Variants in PLPPR5 observed in about 807,000 individuals in gnomAD.
The protein encoded by PLPPR5 is phospholipid phosphatase-related protein type 5.
A neutral mutation model predicts 33.9 loss-of-function variants in PLPPR5; 16 were observed. The observed-to-expected ratio is 0.47, with a 90% CI of 0.32 to 0.72. PLPPR5 has a LOEUF of 0.72. Among genes scored for constraint, PLPPR5 ranks in the 30% least tolerant of loss-of-function variants. The pLI, the probability that PLPPR5 is intolerant of heterozygous loss-of-function variation, is 0.03. For missense variants in PLPPR5, 301 were observed against 406.7 expected, an observed-to-expected ratio of 0.74 and a Z score of 2.23; for synonymous variants, 163 against 150.3, an observed-to-expected ratio of 1.08 and a Z score of -0.62.
chr1:98,999,110 C>G (rs748529041), intron 1 of PLPPR5, among the ~76,000 whole-genome samples: 9 of 152,178 alleles, frequency 5.9e-5, no homozygotes, highest in Non-Finnish European at 1.0e-4. Flanking sequence ...GTAGACTAAA[C>G]TAGGTGGTTT....
chr1:98,921,524 T>C (rs896253135), intron 4 of PLPPR5, among the ~76,000 whole-genome samples: 1 of 152,284 alleles, frequency 6.6e-6, no homozygotes, highest in East Asian at 1.9e-4. Context: ...TTTTAAGGAT[T>C]TATATAAAGT....
intron 5 of PLPPR5, among the ~76,000 whole-genome samples, chr1:98,912,793 G>A (rs549805075): frequency 1.3e-5 from 2 of 152,286 alleles, no homozygotes; most frequent in Admixed American, 1.3e-4. Context: ...TATTTGTAGA[G>A]CACAGAAGTA....
intron 1 of PLPPR5, among the ~76,000 whole-genome samples, chr1:98,997,032 T>C (rs1652655294): frequency 6.6e-6 from 1 of 152,186 alleles, no homozygotes. Flanking sequence ...TTCCTACATA[T>C]GCTATCTGAA....
chr1:98,951,460 G>A (rs2101209531), intron 3 of PLPPR5, among the ~76,000 whole-genome samples: 1 of 152,270 alleles, frequency 6.6e-6, no homozygotes, highest in East Asian at 1.9e-4. Flanking sequence ...CTTCAGAAAA[G>A]TTAGGAAGCA....
chr1:98,989,430 T>C (rs1652374239), intron 1 of PLPPR5, among the ~76,000 whole-genome samples: 1 of 152,156 alleles, frequency 6.6e-6, no homozygotes, highest in African/African-American at 2.4e-5. Flanking sequence ...TGCTTAATCA[T>C]GAGGACACTG....
intron 1 of PLPPR5, among the ~76,000 whole-genome samples, chr1:98,986,858 G>T (rs548865578): frequency 1.3e-3 from 193 of 151,880 alleles, no homozygotes; most frequent in African/African-American, 4.6e-3. Context: ...AGTGAAATGG[G>T]TGTTTTTTTT....
chr1:98,977,739 G>A (rs961221980), intron 1 of PLPPR5, among the ~76,000 whole-genome samples: 10 of 151,210 alleles, frequency 6.6e-5, no homozygotes, highest in Non-Finnish European at 8.9e-5. Context: ...CCTAACATTT[G>A]CTTGGAAGAA....
chr1:98,990,097 G>C (rs1652398928), intron 1 of PLPPR5, among the ~76,000 whole-genome samples: 1 of 152,136 alleles, frequency 6.6e-6, no homozygotes, highest in Non-Finnish European at 1.5e-5. Context: ...GAAAGAGCAG[G>C]CCAGGCATGG....
intron 3 of PLPPR5, among the ~76,000 whole-genome samples, chr1:98,952,669 T>C (rs151080109): frequency 3.3e-5 from 5 of 152,180 alleles, no homozygotes; most frequent in African/African-American, 1.2e-4. Flanking sequence ...AAAAAAAGAG[T>C]GTCCCTTTCA....
At chr1:98,912,459 T>C (rs1649189469) in intron 5 of PLPPR5, among the ~76,000 whole-genome samples, 1 of 152,196 alleles carries the variant, frequency 6.6e-6, no homozygotes, top group African/African-American at 2.4e-5. Context: ...ACAAAGTGAT[T>C]TCCAAGGTTG....
chr1:98,915,585 A>ATGCATTCGAGAAGCTTCTAATGCAGGTG (rs1649314463), intron 4 of PLPPR5, among the ~76,000 whole-genome samples: 1 of 151,614 alleles, frequency 6.6e-6, no homozygotes, highest in Admixed American at 6.6e-5. Context: ...TAAAAAATAA[A>ATGCATTCGAGAAGCTTCTAATGCAGGTG]AATAAAAAGC....
At chr1:98,972,794 G>A (rs1209209515) in intron 1 of PLPPR5, among the ~76,000 whole-genome samples, 2 of 152,054 alleles carry the variant, frequency 1.3e-5, no homozygotes, top group Non-Finnish European at 2.9e-5. Context: ...TGATGGCCCT[G>A]ATCTGGGGCT....
intron 1 of PLPPR5, among the ~76,000 whole-genome samples, chr1:98,974,248 G>A (rs377747754): frequency 1.1e-4 from 17 of 151,984 alleles, no homozygotes; most frequent in Admixed American, 7.9e-4. Flanking sequence ...AGGGGTCCTC[G>A]ATCAGCCACA....
intron 1 of PLPPR5, among the ~76,000 whole-genome samples, chr1:99,002,743 A>T (rs755288992): frequency 7.9e-5 from 12 of 152,116 alleles, no homozygotes; most frequent in Non-Finnish European, 1.2e-4. Flanking sequence ...GAAAAGTGCT[A>T]TCTTATTTAA....
At chr1:98,947,858 T>A (rs1173263916) in intron 3 of PLPPR5, among the ~76,000 whole-genome samples, 1 of 152,262 alleles carries the variant, frequency 6.6e-6, no homozygotes, top group Non-Finnish European at 1.5e-5. Flanking sequence ...GCATGCTCAG[T>A]AAATATTTTT....
At chr1:98,924,526 G>C (rs1447436062) in intron 3 of PLPPR5, among the ~76,000 whole-genome samples, 1 of 152,146 alleles carries the variant, frequency 6.6e-6, no homozygotes, top group Non-Finnish European at 1.5e-5. Flanking sequence ...TCTATGCTCT[G>C]CTATTAGGGG....
intron 5 of PLPPR5, among the ~76,000 whole-genome samples, chr1:98,899,275 G>A (rs986736720): frequency 4.6e-5 from 7 of 152,302 alleles, no homozygotes; most frequent in African/African-American, 1.7e-4. Flanking sequence ...TATGACTGAT[G>A]TAGTACAAGT....
intron 1 of PLPPR5, among the ~76,000 whole-genome samples, chr1:98,984,431 A>G (rs1652182017): frequency 6.6e-6 from 1 of 152,002 alleles, no homozygotes; most frequent in Admixed American, 6.6e-5. Flanking sequence ...GAAGCTTCAA[A>G]CGCTTACAAA....
intron 1 of PLPPR5, among the ~76,000 whole-genome samples, chr1:98,962,833 T>G (rs1651294653): frequency 6.6e-6 from 1 of 152,100 alleles, no homozygotes; most frequent in South Asian, 2.1e-4. Flanking sequence ...TTTTATTTTT[T>G]ATTTTTAGTT....
Sources: allele counts gnomAD v4.1 joint callset (sites outside exome capture counted in the v4.1 genomes callset), GRCh38; gene constraint gnomAD v4.1.1; transcripts MANE v1.5; gene names NCBI Gene and HGNC (gene_info 2026-07-23, HGNC 2026-07-21).